GKAP1: variants seen among roughly 807,000 people sequenced by gnomAD.
GKAP1 encodes the protein G kinase-anchoring protein 1.
In GKAP1, 31 loss-of-function variants were observed where a neutral mutation model predicts 56.7. The observed-to-expected ratio is 0.55, with a 90% CI of 0.41 to 0.74. GKAP1 has a LOEUF of 0.74. Among genes scored for constraint, GKAP1 ranks in the 30% least tolerant of loss-of-function variants. GKAP1 has a pLI of 0.00. For missense variants in GKAP1, 364 were observed against 402.3 expected (o/e 0.90, Z 0.82); for synonymous variants, 151 against 138.6 (o/e 1.09, Z -0.63).
chr9:83,810,738 G>T (rs1390505902), intron 2 of GKAP1, among the ~76,000 whole-genome samples: 1 of 152,230 alleles, frequency 6.6e-6, no homozygotes, highest in Non-Finnish European at 1.5e-5. Context: ...GACTGAATAA[G>T]TTAATATACA....
At position 83,753,296 on chromosome 9, in the gene GKAP1, C is replaced by T; in HGVS notation, c.802G>A (p.Glu268Lys). 1 of 1,611,032 alleles carries T rather than the reference C, an allele frequency of 6.2e-7. No homozygotes were observed. Among genetic ancestry groups the T allele is most frequent in the Non-Finnish European group, 8.5e-7 (1 of 1,177,750 alleles). Residue 268 changes from glutamate to lysine, a missense_variant, in exon 9 of 13, where the codon GAA becomes AAA. Glu to Lys is a moderately conservative substitution (Grantham distance 56). Transcript: ENST00000376371. Reference protein sequence around the residue: ...LKLELERKDAEIQKLKNVITQ... With the variant: ...LKLELERKDAKIQKLKNVITQ... Reference sequence around the variant, plus strand: ...ATTACATTTTTCAGCTTCTGGATTTCAGCATCTTTCCTTTCAAGCTCTAAC... The same window carrying T: ...ATTACATTTTTCAGCTTCTGGATTTTAGCATCTTTCCTTTCAAGCTCTAAC...
intron 4 of GKAP1, among the ~76,000 whole-genome samples, chr9:83,795,688 C>T (rs1168809947): frequency 1.4e-5 from 2 of 144,466 alleles, no homozygotes; most frequent in Non-Finnish European, 1.5e-5. Flanking sequence ...GTAGCTGGGA[C>T]TACAGGCATG....
chr9:83,778,077 A>C (rs1425503654), intron 7 of GKAP1, among the ~76,000 whole-genome samples: 1 of 152,212 alleles, frequency 6.6e-6, no homozygotes, highest in Non-Finnish European at 1.5e-5. Context: ...AGAGAGAAAG[A>C]AATGCTTATC....
At chr9:83,765,409 G>A (rs1943645007) in intron 8 of GKAP1, among the ~76,000 whole-genome samples, 1 of 152,188 alleles carries the variant, frequency 6.6e-6, no homozygotes, top group Non-Finnish European at 1.5e-5. Context: ...GGAAATGTGG[G>A]GTCAAGAGCC....
chr9:83,808,317 C>T (rs1322325786), intron 2 of GKAP1, among the ~76,000 whole-genome samples: 3 of 152,092 alleles, frequency 2.0e-5, no homozygotes, highest in Admixed American at 6.6e-5. Context: ...CCTTATAGGC[C>T]GGGTGCAGTG....
intron 7 of GKAP1, among the ~76,000 whole-genome samples, chr9:83,774,867 C>A (rs574814163): frequency 2.0e-5 from 3 of 151,588 alleles, no homozygotes; most frequent in East Asian, 4.0e-4. Context: ...TGCCACCACA[C>A]CCAGATAAGT....
At chr9:83,790,787 A>G (rs1944144619) in intron 4 of GKAP1, among the ~76,000 whole-genome samples, 2 of 152,122 alleles carry the variant, frequency 1.3e-5, no homozygotes, top group Admixed American at 1.3e-4. Context: ...ACTCCAGACT[A>G]GATGACAGAG....
intron 8 of GKAP1, among the ~76,000 whole-genome samples, chr9:83,766,123 C>G (rs982956835): frequency 3.3e-5 from 5 of 152,108 alleles, no homozygotes; most frequent in Non-Finnish European, 7.4e-5. Context: ...CCATACTGGT[C>G]TTGTGATAGT....
intron 9 of GKAP1, among the ~76,000 whole-genome samples, chr9:83,750,485 C>G (rs1156736057): frequency 6.6e-6 from 1 of 152,176 alleles, no homozygotes; most frequent in Non-Finnish European, 1.5e-5. Context: ...TTTTAGCAGA[C>G]TGTCTTCACT....
At chr9:83,777,202 A>C (rs1233425626) in intron 7 of GKAP1, among the ~76,000 whole-genome samples, 1 of 152,220 alleles carries the variant, frequency 6.6e-6, no homozygotes, top group Non-Finnish European at 1.5e-5. Context: ...AGTGCATTCA[A>C]GCATATTGAA....
At chr9:83,763,718 T>G (rs534575544) in intron 8 of GKAP1, among the ~76,000 whole-genome samples, 71 of 152,306 alleles carry the variant, frequency 4.7e-4, no homozygotes, top group Non-Finnish European at 9.0e-4. Flanking sequence ...CACCATTTTT[T>G]GCTTGTACAA....
chr9:83,779,448 T>TATACACACACACACACAC (rs1554742273), intron 7 of GKAP1, among the ~76,000 whole-genome samples: 21 of 119,614 alleles, frequency 1.8e-4, no homozygotes, highest in Admixed American at 1.3e-3. Flanking sequence ...TATATATATA[T>TATACACACACACACACAC]ACACACACAC....
chr9:83,798,800 G>C lies in GKAP1; in HGVS notation c.360+385C>G, dbSNP rs552000001. On this transcript the variant is annotated intron_variant, in intron 4 of 12. Coordinates refer to ENST00000376371, the MANE Select transcript of GKAP1 (RefSeq NM_025211.4). ...CAAATTGCTGGGATTACAGGTGTGA[G>C]CCACCTGTAGGCTGTACACACCCAG... Among the ~76,000 whole-genome samples, 4 of 152,254 alleles carry C rather than the reference G, an allele frequency of 2.6e-5. No homozygotes were observed. The South Asian group carries it at 8.3e-4, about 32-fold the overall frequency.
intron 7 of GKAP1, among the ~76,000 whole-genome samples, chr9:83,771,570 C>T (rs538771414): frequency 1.3e-5 from 2 of 152,254 alleles, no homozygotes; most frequent in African/African-American, 4.8e-5. Context: ...TTATATCTTG[C>T]AAAGCACTTA....
intron 8 of GKAP1, among the ~76,000 whole-genome samples, chr9:83,768,367 A>G (rs963793824): frequency 1.3e-5 from 2 of 152,122 alleles, no homozygotes; most frequent in Non-Finnish European, 2.9e-5. Flanking sequence ...GTCACTTTTT[A>G]TATACCCACC....
intron 4 of GKAP1, among the ~76,000 whole-genome samples, chr9:83,796,519 G>A (rs1205144640): frequency 1.3e-5 from 2 of 152,016 alleles, no homozygotes; most frequent in African/African-American, 4.8e-5. Context: ...TGCCCAGGCT[G>A]GAGTGCAATG....
intron 7 of GKAP1, among the ~76,000 whole-genome samples, chr9:83,777,318 A>C (rs1030727512): frequency 9.2e-5 from 14 of 152,236 alleles, no homozygotes; most frequent in Non-Finnish European, 1.5e-4. Context: ...AATTGGGACT[A>C]GAGAGAAATG....
chr9:83,744,161 T>C (rs770185111), intron 10 of GKAP1, among the ~76,000 whole-genome samples: 19 of 152,228 alleles, frequency 1.2e-4, no homozygotes, highest in Non-Finnish European at 2.1e-4. Context: ...TCCCCAGGAT[T>C]ATAAACACTT....
chr9:83,800,263 G>A (rs1944309063), intron 3 of GKAP1, among the ~76,000 whole-genome samples: 1 of 150,294 alleles, frequency 6.7e-6, no homozygotes, highest in Non-Finnish European at 1.5e-5. Flanking sequence ...TACTGCCTAT[G>A]AGTTAGCCCT....
Sources: allele counts gnomAD v4.1 joint callset (sites outside exome capture counted in the v4.1 genomes callset), GRCh38; gene constraint gnomAD v4.1.1; transcripts MANE v1.5; gene names NCBI Gene and HGNC (gene_info 2026-07-23, HGNC 2026-07-21).